ASH1L: variants seen among roughly 807,000 people sequenced by gnomAD.
ASH1L encodes the protein ASH1 like histone lysine methyltransferase.
ASH1L carries 23 observed loss-of-function variants against 269.0 expected under a neutral mutation model. The observed-to-expected ratio is 0.09, with a 90% confidence interval of 0.06 to 0.12. The LOEUF is 0.12. ASH1L is among the 10% of genes least tolerant of loss of function. ASH1L has a pLI of 1.00. For synonymous variants in ASH1L, 1,187 were observed against 1,253.5 expected (o/e 0.95, Z 1.12); for missense variants, 2,912 against 3,567.8 (o/e 0.82, Z 4.68).
rs546103781 is a variant in ASH1L, at chr1:155,378,063, A to G, written c.6332+218T>C. Among the ~76,000 whole-genome samples, 2 of 151,872 alleles carry G rather than the reference A, an allele frequency of 1.3e-5. 1 individual carries two copies. On this transcript the variant is annotated intron_variant, in intron 10 of 27. Coordinates refer to ENST00000392403, the MANE Select transcript of ASH1L (RefSeq NM_018489.3). ...CAAAACAAAACAAAAAAAACAAACA[A>G]AAAAAAAGTAAAAGGATTTAAACCA...
chr1:155,391,312 C>A (rs997981680), intron 7 of ASH1L, among the ~76,000 whole-genome samples: 1 of 152,162 alleles, frequency 6.6e-6, no homozygotes, highest in African/African-American at 2.4e-5. Flanking sequence ...TGTTATTAAA[C>A]CTACATTTTG....
At chr1:155,474,678 A>G (rs1217051824) in intron 3 of ASH1L, among the ~76,000 whole-genome samples, 1 of 152,150 alleles carries the variant, frequency 6.6e-6, no homozygotes. Context: ...CAGCCTGGGC[A>G]ACAGAGTGAG....
chr1:155,530,553 C>T (rs946391063), intron 1 of ASH1L, among the ~76,000 whole-genome samples: 2 of 144,056 alleles, frequency 1.4e-5, no homozygotes, highest in Admixed American at 1.5e-4. Flanking sequence ...TGGTGAAACC[C>T]CGTCTCTACT....
intron 3 of ASH1L, among the ~76,000 whole-genome samples, chr1:155,467,933 C>T (rs1299962972): frequency 6.6e-6 from 1 of 152,020 alleles, no homozygotes; most frequent in African/African-American, 2.4e-5. Flanking sequence ...TGTCCTTTAC[C>T]CAACATCCCC....
chr1:155,550,997 ATTT>A (rs950222915), intron 1 of ASH1L, among the ~76,000 whole-genome samples: 1 of 151,726 alleles, frequency 6.6e-6, no homozygotes, highest in Non-Finnish European at 1.5e-5. Flanking sequence ...AATTTTTAAA[ATTT>A]TTTTAGAGAC....
chr1:155,534,741 G>A (rs1425066273), intron 1 of ASH1L, among the ~76,000 whole-genome samples: 2 of 152,192 alleles, frequency 1.3e-5, no homozygotes, highest in Non-Finnish European at 2.9e-5. Context: ...GGGAGGCAGT[G>A]TAACAACATA....
chr1:155,527,531 C>CTTT (rs35475547), intron 1 of ASH1L, among the ~76,000 whole-genome samples: 45 of 110,824 alleles, frequency 4.1e-4, no homozygotes, highest in Non-Finnish European at 5.0e-4. Flanking sequence ...TACGGGATAC[C>CTTT]TTTTTTTTTT....
intron 4 of ASH1L, among the ~76,000 whole-genome samples, chr1:155,457,890 G>A (rs1663984023): frequency 1.3e-5 from 2 of 152,118 alleles, no homozygotes; most frequent in Non-Finnish European, 2.9e-5. Context: ...CATTTGTTCA[G>A]GGGTTGGTGA....
intron 1 of ASH1L, among the ~76,000 whole-genome samples, chr1:155,546,072 C>T (rs962467087): frequency 6.6e-5 from 10 of 150,454 alleles, no homozygotes; most frequent in East Asian, 6.0e-4. Context: ...GCAGGAGAAT[C>T]GCTTGAGCCT....
intron 3 of ASH1L, among the ~76,000 whole-genome samples, chr1:155,466,793 C>A (rs1487282212): frequency 1.3e-5 from 2 of 152,166 alleles, no homozygotes; most frequent in African/African-American, 4.8e-5. Context: ...TACTGAACAT[C>A]TGAACTTATT....
At position 155,515,236 on chromosome 1, in the gene ASH1L, T is replaced by C. The variant is rs80142782; in HGVS notation, c.420+5864A>G. Among the ~76,000 whole-genome samples, 622 of 152,296 alleles carry C rather than the reference T, an allele frequency of 4.1e-3. 33 individuals carry two copies. The East Asian group carries it at 0.11, about 26-fold the overall frequency. ...GCCTGACTACATGTCACACAATCAA[T>C]GCTTCAAAAGTTGGACGAATTGGAC... On this transcript the variant is annotated intron_variant, in intron 2 of 27. Transcript: ENST00000392403.
chr1:155,348,230 C>T (rs1343377450), intron 19 of ASH1L, among the ~76,000 whole-genome samples: 1 of 152,112 alleles, frequency 6.6e-6, no homozygotes, highest in Non-Finnish European at 1.5e-5. Flanking sequence ...TGTAGAAGTT[C>T]AACATACACC....
intron 2 of ASH1L, among the ~76,000 whole-genome samples, chr1:155,508,631 C>T (rs1667971363): frequency 6.6e-6 from 1 of 152,144 alleles, no homozygotes; most frequent in Non-Finnish European, 1.5e-5. Flanking sequence ...CACAGTGAGA[C>T]TCTAGTCTCA....
At chr1:155,352,212 C>T (rs1653987369) in intron 17 of ASH1L, among the ~76,000 whole-genome samples, 1 of 147,704 alleles carries the variant, frequency 6.8e-6, no homozygotes, top group Non-Finnish European at 1.5e-5. Context: ...CTTATAATCC[C>T]AGAACTTTGG....
intron 2 of ASH1L, among the ~76,000 whole-genome samples, chr1:155,483,249 A>G (rs933452974): frequency 5.3e-5 from 8 of 152,212 alleles, no homozygotes; most frequent in Non-Finnish European, 1.2e-4. Context: ...TGTGGATAGG[A>G]AGACATAAAG....
intron 6 of ASH1L, among the ~76,000 whole-genome samples, chr1:155,413,964 C>T (rs1462444082): frequency 1.3e-5 from 2 of 152,096 alleles, no homozygotes; most frequent in East Asian, 3.8e-4. Flanking sequence ...CTAAGAAGCA[C>T]GTTCAGAGTA....
In ASH1L at chr1:155,349,827, C is replaced by T. The variant is rs531169413; in HGVS notation, c.7367-231G>A. On this transcript the variant is annotated intron_variant, in intron 17 of 27. Transcript: ENST00000392403. The stretch of plus-strand genomic sequence containing the variant: ...CCACCTCCTGAGTTCAAGCGATTCT[C>T]CTGCCTCAGCCTCCCGAGCAGCTGG... 4.0e-5 allele frequency among the ~76,000 whole-genome samples: 6 copies of T among 149,012 alleles called. No individual in the cohort carries two copies. In the South Asian group the frequency reaches 1.1e-3, roughly 27 times the overall value.
In ASH1L at chr1:155,479,495, T is replaced by C. The variant is rs1558148620; in HGVS notation, c.3375A>G (p.Ala1125=). Residue 1125 remains alanine (A), a synonymous_variant, in exon 3 of 28, where the codon GCA becomes GCG. Transcript: ENST00000392403. ...GCACTGAACTGGGTTCAACAAAACC[T>C]GCATCACTACTTACAGGGCTCTGAC... is the stretch of plus-strand genomic sequence containing the variant. ...SGGQSPVSSD[A]GFVEPSSVPY... The C allele has an allele frequency of 2.5e-6, 4 of 1,614,160 alleles. No individual in the cohort carries two copies.
intron 10 of ASH1L, among the ~76,000 whole-genome samples, chr1:155,376,918 TG>T (rs1210775386): frequency 1.3e-5 from 2 of 150,850 alleles, no homozygotes; most frequent in Admixed American, 6.6e-5. Flanking sequence ...TCTTTTTTTT[TG>T]GGGGGGAGAT....
Sources: gnomAD v4.1 joint callset for allele counts (sites outside exome capture counted in the v4.1 genomes callset) on GRCh38, gnomAD v4.1.1 for gene constraint, MANE v1.5 for transcripts, NCBI Gene and HGNC (gene_info 2026-07-23, HGNC 2026-07-21) for gene names.